Variants in C8A observed in about 807,000 individuals in gnomAD.
C8A encodes the protein complement component C8 alpha chain.
A neutral mutation model predicts 65.3 loss-of-function variants in C8A; 67 were observed. The ratio of observed to expected loss-of-function variants is 1.03; its 90% CI spans 0.84 to 1.26. The LOEUF (loss-of-function observed/expected upper bound fraction) is 1.26, where lower values mean the gene tolerates loss of function less well. C8A is among the 50% of genes most tolerant of loss of function. The pLI is 0.00. For missense variants in C8A, 781 were observed against 723.9 expected, an observed-to-expected ratio of 1.08 and a Z score of -0.90; for synonymous variants, 290 against 259.4, an observed-to-expected ratio of 1.12 and a Z score of -1.13.
rs1644480812 is a variant in C8A at position 56,908,099 on chromosome 1, G to T, written c.1366G>T (p.Val456Phe). Residue 456 changes from valine to phenylalanine, a missense_variant, in exon 9 of 11, where the codon GTT becomes TTT. Physicochemically the swap from Val to Phe is conservative, Grantham distance 50 (BLOSUM62 -1). Transcript: ENST00000361249. The part of the protein sequence containing the change: ...WGRSLKYNPV[V>F]IDFEMQPIHE... ...GAGGTCATTAAAGTATAATCCTGTT[G>T]TTATCGATTTTGAGGTAAGTCTTTT... 1 of 1,614,000 alleles carries T rather than the reference G, an allele frequency of 6.2e-7. No individual in the cohort carries two copies. The highest frequency in any genetic ancestry group is 1.3e-5 in the African/African-American group (1 of 74,926).
intron 1 of C8A, among the ~76,000 whole-genome samples, chr1:56,861,855 A>G (rs1015005371): frequency 2.0e-5 from 3 of 152,208 alleles, no homozygotes; most frequent in Admixed American, 6.5e-5. Flanking sequence ...ACCCCCTGGT[A>G]ATCATCAGAG....
chr1:56,860,046 G>T (rs1309277697), intron 1 of C8A, among the ~76,000 whole-genome samples: 1 of 152,218 alleles, frequency 6.6e-6, no homozygotes, highest in African/African-American at 2.4e-5. Context: ...CTGAGCAGCA[G>T]AGCAAGACTC....
At chr1:56,912,950 G>A (rs1307402401) in intron 10 of C8A, among the ~76,000 whole-genome samples, 1 of 152,214 alleles carries the variant, frequency 6.6e-6, no homozygotes, top group African/African-American at 2.4e-5. Flanking sequence ...CAACAGAAGT[G>A]TATTGTTTCA....
rs148651873 is a variant in C8A at position 56,891,383 on chromosome 1, G to T, written c.1096+5216G>T. ...CAAGAGGTGTCAGAGGGTCTTACTG[G>T]CCGTAGTAAGAAGTATGGACTGTAT... On this transcript the variant is annotated intron_variant, in intron 7 of 10. Coordinates refer to ENST00000361249, the MANE Select transcript of C8A (RefSeq NM_000562.3). Among the ~76,000 whole-genome samples, 814 of 152,228 alleles carry T rather than the reference G, an allele frequency of 5.3e-3. 6 individuals are homozygous for T. Among genetic ancestry groups the T allele is most frequent in the African/African-American group, 0.018 (767 of 41,546 alleles).
chr1:56,914,998 T>C (rs1280532130), intron 10 of C8A, among the ~76,000 whole-genome samples: 1 of 152,210 alleles, frequency 6.6e-6, no homozygotes, highest in Admixed American at 6.5e-5. Flanking sequence ...ATTTCTAAGC[T>C]GCCAATTTCC....
chr1:56,857,305 C>CAG (rs1643986481), intron 1 of C8A, among the ~76,000 whole-genome samples: 1 of 148,190 alleles, frequency 6.7e-6, no homozygotes, highest in Non-Finnish European at 1.5e-5. Context: ...TTATTAAATA[C>CAG]ACACACACAC....
chr1:56,903,696 G>A (rs370300930), intron 7 of C8A, among the ~76,000 whole-genome samples: 2 of 152,182 alleles, frequency 1.3e-5, no homozygotes, highest in Admixed American at 1.3e-4. Context: ...GAGTCCTGTG[G>A]CAAGCCACCA....
chr1:56,875,221 G>C, intron 3 of C8A, 128 bp downstream of exon 3: 1 of 1,078,452 alleles, frequency 9.3e-7, no homozygotes. Flanking sequence ...CTCTAGGTTT[G>C]GGATGGGTCC....
chr1:56,899,598 CCTGGGCTAACCA>C, intron 7 of C8A, among the ~76,000 whole-genome samples: 1 of 152,248 alleles, frequency 6.6e-6, no homozygotes, highest in Non-Finnish European at 1.5e-5. Flanking sequence ...CCCACTCGCT[CCTGGGCTAACCA>C]CTTATACTGC....
At chr1:56,897,636 TAA>T (rs2101277595) in intron 7 of C8A, among the ~76,000 whole-genome samples, 1 of 152,322 alleles carries the variant, frequency 6.6e-6, no homozygotes, top group East Asian at 1.9e-4. Context: ...GAAAGACATT[TAA>T]TCAAAGTCCC....
chr1:56,887,308 A>G (rs1644307604), intron 7 of C8A, among the ~76,000 whole-genome samples: 1 of 152,186 alleles, frequency 6.6e-6, no homozygotes. Context: ...AAACTAATGT[A>G]CACTCCCACC....
At chr1:56,874,286 G>A (rs1013436053) in intron 2 of C8A, among the ~76,000 whole-genome samples, 1 of 152,150 alleles carries the variant, frequency 6.6e-6, no homozygotes, top group Non-Finnish European at 1.5e-5. Context: ...GGTGAACCAG[G>A]CCTGGTTCAT....
At chr1:56,907,926 A>T (rs1644478374) in intron 8 of C8A, 30 bp from the exon 9 acceptor site, 2 of 1,613,652 alleles carry the variant, frequency 1.2e-6, no homozygotes, top group African/African-American at 2.7e-5. Context: ...TTGGGAAATG[A>T]GTTAATGCAG....
Position 56,885,374 on chromosome 1 carries a change from ATTTATT to A in C8A, c.856-551_856-546del, listed in dbSNP as rs1288226742. ...TATATTTATGTAAATATATATTTAT[ATTTATT>A]TAAATATATATTTAAATAAATATAT... On this transcript the variant is annotated intron_variant, in intron 6 of 10. Coordinates refer to ENST00000361249, the MANE Select transcript of C8A (RefSeq NM_000562.3). Among the ~76,000 whole-genome samples, 20 of 113,030 alleles carry A rather than the reference ATTTATT, an allele frequency of 1.8e-4. 1 individual carries two copies. The highest frequency in any genetic ancestry group is 6.3e-4 in the South Asian group (2 of 3,186). The allele number at this position is 113,030 out of a possible 152,430, so 74.2% of individuals were successfully genotyped here. A position where few individuals can be genotyped will look rare whatever the true frequency, so the allele number is the denominator to read the frequency against.
In C8A at chr1:56,875,080, G is replaced by C; in HGVS notation, c.303G>C (p.Gln101His). The change falls in exon 3 of 11, where the codon CAG becomes CAC. Residue 101 changes from glutamine to histidine, a missense_variant. Transcript: ENST00000361249. ...VRQAQCGQDF[Q>H]CKETGRCLKR... Reference sequence around the variant, plus strand: ...AAGCACAGTGTGGACAGGATTTCCAGTGTAAGGAGACAGGTGAGTAGCATT... The same window carrying C: ...AAGCACAGTGTGGACAGGATTTCCACTGTAAGGAGACAGGTGAGTAGCATT... The C allele has an allele frequency of 6.2e-7, 1 of 1,613,582 alleles. No homozygotes were observed. Among genetic ancestry groups the C allele is most frequent in the Non-Finnish European group, 8.5e-7 (1 of 1,179,716 alleles).
rs1557705670 is a variant in C8A, at chr1:56,885,380, T to TCG, written c.856-547_856-546insCG. ...TATGTAAATATATATTTATATTTAT[T>TCG]TAAATATATATTTAAATAAATATAT... On this transcript the variant is annotated intron_variant, in intron 6 of 10. Coordinates refer to ENST00000361249, the MANE Select transcript of C8A (RefSeq NM_000562.3). 8.8e-4 allele frequency among the ~76,000 whole-genome samples: 83 copies of TCG among 94,538 alleles called. 2 individuals are homozygous for TCG. In the South Asian group the frequency reaches 9.4e-3, roughly 11 times the overall value. 62.0% of individuals were successfully genotyped at this position (94,538 alleles called of 152,430 possible).
Position 56,881,563 on chromosome 1 carries a change from G to A in C8A, c.583G>A (p.Glu195Lys), listed in dbSNP as rs1336903260. Residue 195 changes from glutamate (E) to lysine (K), a missense_variant, in exon 5 of 11, where the codon GAA (glutamate) becomes AAA (lysine). Glu to Lys is a moderately conservative substitution (Grantham distance 56). Transcript: ENST00000361249. ...WRELRYDSTCERLYYGDDEKY... is the reference protein window; with the variant it reads ...WRELRYDSTCKRLYYGDDEKY... The stretch of plus-strand genomic sequence containing the variant: ...GGAGCTTCGATATGACTCCACCTGT[G>A]AACGTCTCTACTATGGAGATGATGA... 1 of 1,613,830 alleles carries A rather than the reference G, an allele frequency of 6.2e-7. No homozygotes were observed. Among genetic ancestry groups the A allele is most frequent in the Non-Finnish European group, 8.5e-7 (1 of 1,179,796 alleles).
intron 4 of C8A, among the ~76,000 whole-genome samples, chr1:56,878,220 G>A (rs1644216538): frequency 6.6e-6 from 1 of 152,024 alleles, no homozygotes; most frequent in Non-Finnish European, 1.5e-5. Context: ...TGACCTCATT[G>A]CAGCTTAATT....
chr1:56,906,566 T>C, intron 7 of C8A, 101 bp from the exon 8 acceptor site: 5 of 1,431,048 alleles, frequency 3.5e-6, no homozygotes, highest in Non-Finnish European at 4.9e-6. Context: ...CCTTTTGGAC[T>C]CCAAAGCTGA....
Sources: gnomAD v4.1 joint callset for allele counts (sites outside exome capture counted in the v4.1 genomes callset) on GRCh38, gnomAD v4.1.1 for gene constraint, MANE v1.5 for transcripts, NCBI Gene and HGNC (gene_info 2026-07-23, HGNC 2026-07-21) for gene names.